Variants in ENPEP observed in about 807,000 individuals in gnomAD.
The protein encoded by ENPEP is glutamyl aminopeptidase, also known as AP-A.
A neutral mutation model predicts 114.5 loss-of-function variants in ENPEP; 103 were observed. The observed-to-expected ratio is 0.90, with a 90% confidence interval of 0.77 to 1.06. The LOEUF (loss-of-function observed/expected upper bound fraction) is 1.06. Ranked by LOEUF, ENPEP falls within the 50% of genes least tolerant of loss-of-function variation. The pLI is 0.00. For missense variants in ENPEP, 1,196 were observed against 1,161.3 expected, an observed-to-expected ratio of 1.03 and a Z score of -0.43; for synonymous variants, 420 against 422.0, an observed-to-expected ratio of 1.00 and a Z score of 0.06.
intron 2 of ENPEP, among the ~76,000 whole-genome samples, chr4:110,490,111 A>C (rs1241464747): frequency 1.3e-5 from 2 of 152,120 alleles, no homozygotes; most frequent in Admixed American, 1.3e-4. Context: ...CTGCTTAAGA[A>C]CTTCCCTTAT....
intron 3 of ENPEP, among the ~76,000 whole-genome samples, chr4:110,502,452 T>C (rs1026062441): frequency 6.6e-5 from 10 of 152,266 alleles, no homozygotes; most frequent in Admixed American, 1.3e-4. Flanking sequence ...CTTTTGTATA[T>C]GGTGTAAGGA....
At chr4:110,527,166 G>C (rs964759408) in intron 10 of ENPEP, among the ~76,000 whole-genome samples, 8 of 152,244 alleles carry the variant, frequency 5.3e-5, no homozygotes, top group Non-Finnish European at 1.2e-4. Context: ...GACTTTCCAA[G>C]GCATCAGAGA....
At chr4:110,496,063 C>G (rs951680078) in intron 3 of ENPEP, among the ~76,000 whole-genome samples, 3 of 152,152 alleles carry the variant, frequency 2.0e-5, no homozygotes, top group Admixed American at 6.5e-5. Flanking sequence ...TTCCAAAAAT[C>G]TTACAGGATG....
At chr4:110,497,793 T>G (rs1314557888) in intron 3 of ENPEP, among the ~76,000 whole-genome samples, 1 of 152,132 alleles carries the variant, frequency 6.6e-6, no homozygotes, top group Non-Finnish European at 1.5e-5. Context: ...CAAACTAAAA[T>G]TTAGAAAGAA....
chr4:110,526,133 G>A (rs1052439755), intron 10 of ENPEP, among the ~76,000 whole-genome samples: 3 of 151,874 alleles, frequency 2.0e-5, no homozygotes, highest in African/African-American at 4.8e-5. Context: ...AAAATTAGCC[G>A]GGCATGGTAG....
chr4:110,558,446 C>T (rs1248462826), intron 18 of ENPEP, among the ~76,000 whole-genome samples: 2 of 151,752 alleles, frequency 1.3e-5, no homozygotes, highest in Non-Finnish European at 2.9e-5. Flanking sequence ...GCGCACACCA[C>T]CACGTGCCCA....
At chr4:110,533,039 G>T (rs1403718290) in intron 11 of ENPEP, 1 of 446,240 alleles carries the variant, frequency 2.2e-6, no homozygotes, top group Non-Finnish European at 4.5e-6. Flanking sequence ...GTTTTCAGTG[G>T]ATTTGGTTTA....
At chr4:110,523,401 A>G (rs1238772528) in intron 10 of ENPEP, among the ~76,000 whole-genome samples, 1 of 152,120 alleles carries the variant, frequency 6.6e-6, no homozygotes, top group Non-Finnish European at 1.5e-5. Flanking sequence ...TGAGTAAATT[A>G]AACCTCTCTT....
intron 8 of ENPEP, among the ~76,000 whole-genome samples, chr4:110,518,275 A>G (rs1725856353): frequency 6.6e-6 from 1 of 152,200 alleles, no homozygotes; most frequent in Non-Finnish European, 1.5e-5. Flanking sequence ...AGAAACCGAG[A>G]ATATATTCTT....
In ENPEP at chr4:110,505,057, A is replaced by C. The variant is rs1251777915; in HGVS notation, c.919-1580A>C. On this transcript the variant is annotated intron_variant, in intron 3 of 19. Coordinates refer to ENST00000265162, the MANE Select transcript of ENPEP (RefSeq NM_001977.4). ...GAAAATCTGAGAGTTTTGACACACCAATTAGTTCACAGAAGAAAAATTCTG... is the reference window on the plus strand; with the variant it reads ...GAAAATCTGAGAGTTTTGACACACCCATTAGTTCACAGAAGAAAAATTCTG... Among the ~76,000 whole-genome samples, 4 of 152,338 alleles carry C rather than the reference A, an allele frequency of 2.6e-5. No homozygotes were observed. The South Asian group carries it at 6.2e-4, about 24-fold the overall frequency.
chr4:110,523,122 G>A (rs555270777), intron 10 of ENPEP, among the ~76,000 whole-genome samples: 1 of 152,130 alleles, frequency 6.6e-6, no homozygotes, highest in Non-Finnish European at 1.5e-5. Flanking sequence ...GTGCGGTTGG[G>A]AAGATGAAAA....
At position 110,491,110 on chromosome 4, in the gene ENPEP, C is replaced by A; in HGVS notation, c.864C>A (p.Cys288Ter). Residue 288 changes from cysteine to a stop codon, truncating the protein, a stop_gained, in exon 3 of 20, where the codon TGC becomes TGA. Transcript: ENST00000265162. LOFTEE classifies it high-confidence loss of function. ...TCCCCATGAGCACGTACCTGGTGTG[C>A]TTTGCTGTACATCAATTTGACTCTG... ...KSVPMSTYLV[C>*]FAVHQFDSVK... 6.2e-7 allele frequency: 1 copy of A among 1,612,200 alleles called. No homozygotes were observed. Among genetic ancestry groups the A allele is most frequent in the East Asian group, 2.2e-5 (1 of 44,860 alleles).
At position 110,549,704 on chromosome 4, in the gene ENPEP, T is replaced by TA. The variant is rs1172310942; in HGVS notation, c.2331-12_2331-11insA. ...GTAGTTGAAATCTCTGAAACACTGT[T>TA]TCTTCTTCTAGCCTTCCCGTAAATC... is the stretch of plus-strand genomic sequence containing the variant. On this transcript the variant is annotated splice_polypyrimidine_tract_variant and intron_variant, in intron 16 of 19. Coordinates refer to ENST00000265162, the MANE Select transcript of ENPEP (RefSeq NM_001977.4). 14 of 1,612,782 alleles carry TA rather than the reference T, an allele frequency of 8.7e-6. No individual in the cohort carries two copies. The highest frequency in any genetic ancestry group is 1.2e-5 in the Non-Finnish European group (14 of 1,179,302).
At position 110,548,039 on chromosome 4, in the gene ENPEP, G is replaced by T. The variant is rs532198042; in HGVS notation, c.2001-137G>T. 76 of 1,015,312 alleles carry T rather than the reference G, an allele frequency of 7.5e-5. No individual in the cohort carries two copies. The South Asian group carries it at 2.1e-3, about 28-fold the overall frequency. The allele number at this position is 1,015,312 out of a possible 1,614,324, so 62.9% of individuals were successfully genotyped here. A position where few individuals can be genotyped will look rare whatever the true frequency, so the allele number is the denominator to read the frequency against. On this transcript the variant is annotated intron_variant, in intron 13 of 19. Coordinates refer to ENST00000265162, the MANE Select transcript of ENPEP (RefSeq NM_001977.4). ...CTTCAACCAATAAATGCAATTTCTTGATTGTTGAATGGAAGAATCCTCATT... is the reference window on the plus strand; with the variant it reads ...CTTCAACCAATAAATGCAATTTCTTTATTGTTGAATGGAAGAATCCTCATT...
chr4:110,564,559 C>T lies in ENPEP; in HGVS notation c.*3001C>T, dbSNP rs1727769529. 1 of 152,112 alleles carries T rather than the reference C, an allele frequency of 6.6e-6. No homozygotes were observed. Among genetic ancestry groups the T allele is most frequent in the African/African-American group, 2.4e-5 (1 of 41,410 alleles). The allele number at this position is 152,112 out of a possible 1,614,324, so 9.4% of individuals were successfully genotyped here. On this transcript the variant is annotated 3_prime_UTR_variant, in exon 20 of 20. Coordinates refer to ENST00000265162, the MANE Select transcript of ENPEP (RefSeq NM_001977.4). ...TTATTATTGTTACTATTATATCTCC[C>T]CATCCCTACTTAAGACACTAGTTTG...
At position 110,541,892 on chromosome 4, in the gene ENPEP, C is replaced by T. The variant is rs181380197; in HGVS notation, c.1808-859C>T. Among the ~76,000 whole-genome samples the T allele has an allele frequency of 1.9e-3, 294 of 152,158 alleles. 1 individual carries two copies. The highest frequency in any genetic ancestry group is 6.7e-3 in the African/African-American group (277 of 41,534). On this transcript the variant is annotated intron_variant, in intron 11 of 19. Coordinates refer to ENST00000265162, the MANE Select transcript of ENPEP (RefSeq NM_001977.4). ...CTGAAAAATATAGGAGTAACGCTAA[C>T]GAACATGGTTATATCAAAGCATAGC...
intron 3 of ENPEP, among the ~76,000 whole-genome samples, chr4:110,495,114 C>G (rs1268544985): frequency 6.6e-6 from 1 of 152,154 alleles, no homozygotes; most frequent in East Asian, 1.9e-4. Flanking sequence ...CCCCAATAAG[C>G]ATGTCATGAA....
At chr4:110,501,879 G>T (rs1034762912) in intron 3 of ENPEP, among the ~76,000 whole-genome samples, 2 of 152,148 alleles carry the variant, frequency 1.3e-5, no homozygotes, top group African/African-American at 2.4e-5. Flanking sequence ...TTCCACAATG[G>T]ATAAACTAAT....
chr4:110,525,984 T>C (rs980756730), intron 10 of ENPEP, among the ~76,000 whole-genome samples: 37 of 151,966 alleles, frequency 2.4e-4, no homozygotes, highest in African/African-American at 7.7e-4. Flanking sequence ...ATGTTCAAAA[T>C]AGAAACTATG....
Sources: allele counts gnomAD v4.1 joint callset (sites outside exome capture counted in the v4.1 genomes callset), GRCh38; gene constraint gnomAD v4.1.1; transcripts MANE v1.5; gene names NCBI Gene and HGNC (gene_info 2026-07-23, HGNC 2026-07-21).